The following POLA1 variants were observed in gnomAD, a reference collection of about 807,000 sequenced individuals.
POLA1 encodes DNA polymerase alpha 1, catalytic subunit.
A neutral mutation model predicts 124.0 loss-of-function variants in POLA1; 15 were observed. The ratio of observed to expected loss-of-function variants is 0.12; its 90% CI spans 0.08 to 0.19. The LOEUF (loss-of-function observed/expected upper bound fraction) is 0.19. Among genes scored for constraint, POLA1 ranks in the 10% least tolerant of loss-of-function variants. The pLI is 1.00. For missense variants in POLA1, 886 were observed against 1,103.4 expected, an observed-to-expected ratio of 0.80 and a Z score of 2.79; for synonymous variants, 408 against 389.4, an observed-to-expected ratio of 1.05 and a Z score of -0.56.
intron 24 of POLA1, among the ~76,000 whole-genome samples, chrX:24,745,961 C>A (rs1002672351): frequency 9.0e-6 from 1 of 111,410 alleles, no homozygotes; most frequent in Non-Finnish European, 1.9e-5. Context: ...GTACTTTATT[C>A]GTTTGTGTTG....
chrX:24,959,916 A>C (rs1242355402), intron 36 of POLA1, among the ~76,000 whole-genome samples: 5 of 111,774 alleles, frequency 4.5e-5, no homozygotes, highest in African/African-American at 1.6e-4. Flanking sequence ...GTGTCTAAGC[A>C]GTCATCCCCC....
At chrX:24,721,922 G>A (rs922192390) in intron 10 of POLA1, among the ~76,000 whole-genome samples, 1 of 110,942 alleles carries the variant, frequency 9.0e-6, no homozygotes, top group Non-Finnish European at 1.9e-5. Flanking sequence ...AATTTTCTGA[G>A]TTACTGTGAT....
intron 29 of POLA1, 95 bp downstream of exon 29, chrX:24,812,958 G>A: frequency 2.3e-6 from 1 of 436,325 alleles, no homozygotes; most frequent in East Asian, 3.8e-5. Flanking sequence ...TCAAGCCCAA[G>A]AACACTTCTT....
intron 36 of POLA1, among the ~76,000 whole-genome samples, chrX:24,952,141 A>C (rs924469269): frequency 8.9e-6 from 1 of 112,184 alleles, no homozygotes; most frequent in Non-Finnish European, 1.9e-5. Context: ...GCAACTTCAC[A>C]TGGGGTCCAC....
intron 16 of POLA1, among the ~76,000 whole-genome samples, chrX:24,733,299 C>G (rs1012936591): frequency 8.9e-6 from 1 of 112,185 alleles, no homozygotes; most frequent in Non-Finnish European, 1.9e-5. Flanking sequence ...GAGTTCATTT[C>G]AACACGCATT....
chrX:24,733,652 G>A, intron 16 of POLA1, 103 bp from the exon 17 acceptor site: 1 of 419,095 alleles, frequency 2.4e-6, no homozygotes, highest in Non-Finnish European at 4.2e-6. Flanking sequence ...AGGGTTGGGG[G>A]GAATATATTT....
At chrX:24,758,122 A>C (rs1404305200) in intron 26 of POLA1, among the ~76,000 whole-genome samples, 1 of 111,806 alleles carries the variant, frequency 8.9e-6, no homozygotes, top group Non-Finnish European at 1.9e-5. Context: ...ATTATAACTT[A>C]GACTTTCAGT....
intron 36 of POLA1, among the ~76,000 whole-genome samples, chrX:24,935,655 C>T (rs1319077128): frequency 8.9e-6 from 1 of 112,217 alleles, no homozygotes; most frequent in Non-Finnish European, 1.9e-5. Context: ...TTTCCTTAAA[C>T]TTTTCAGTCT....
intron 34 of POLA1, among the ~76,000 whole-genome samples, chrX:24,867,040 T>C (rs2046803808): frequency 9.0e-6 from 1 of 111,719 alleles, no homozygotes; most frequent in African/African-American, 3.2e-5. Context: ...ATCACTTTTA[T>C]ATTTTTATAT....
At chrX:24,750,148 T>C (rs1028117686) in intron 26 of POLA1, among the ~76,000 whole-genome samples, 3 of 112,438 alleles carry the variant, frequency 2.7e-5, no homozygotes, top group African/African-American at 9.7e-5. Flanking sequence ...TGCTTTTGTA[T>C]TACGAGAGCA....
intron 36 of POLA1, among the ~76,000 whole-genome samples, chrX:24,955,401 A>G (rs1468990950): frequency 9.2e-6 from 1 of 109,053 alleles, no homozygotes; most frequent in Non-Finnish European, 1.9e-5. Flanking sequence ...GCTGACCTCA[A>G]ACTCCTGGGC....
rs760850042 is a variant in POLA1 at position 24,788,625 on chromosome X, A to G, written c.2965-21273A>G. 3.6e-5 allele frequency: 43 copies of G among 1,191,253 alleles called. No homozygotes were observed. In the Middle Eastern group the frequency reaches 1.2e-3, roughly 34 times the overall value. On this transcript the variant is annotated intron_variant, in intron 26 of 36. Transcript: ENST00000379068. ...TTCGCCATATCTGTCTCATCATCCC[A>G]AGGTTTCACATCTAGTAAGATGGAA...
chrX:24,720,547 G>C (rs1324331958), intron 10 of POLA1, among the ~76,000 whole-genome samples: 1 of 111,997 alleles, frequency 8.9e-6, no homozygotes, highest in Non-Finnish European at 1.9e-5. Context: ...ATGCCTTGTA[G>C]CTTTGTGGGG....
At chrX:24,991,931 T>A (rs2147304060) in intron 36 of POLA1, among the ~76,000 whole-genome samples, 1 of 112,506 alleles carries the variant, frequency 8.9e-6, no homozygotes, top group Non-Finnish European at 1.9e-5. Flanking sequence ...GACACATTGA[T>A]CACTGTGTGT....
chrX:24,789,412 C>T (rs2045448789), intron 26 of POLA1, among the ~76,000 whole-genome samples: 1 of 110,929 alleles, frequency 9.0e-6, no homozygotes, highest in Admixed American at 9.5e-5. Flanking sequence ...TTGGCAATAG[C>T]ATAAAAAAGA....
At chrX:24,899,826 G>A (rs190329058) in intron 35 of POLA1, among the ~76,000 whole-genome samples, 2 of 111,705 alleles carry the variant, frequency 1.8e-5, no homozygotes, top group Non-Finnish European at 3.8e-5. Flanking sequence ...CTGTTGGCAC[G>A]AGACCTTTCC....
intron 34 of POLA1, among the ~76,000 whole-genome samples, chrX:24,881,207 A>T (rs2046997322): frequency 8.9e-6 from 1 of 112,227 alleles, no homozygotes; most frequent in Admixed American, 9.5e-5. Flanking sequence ...CTTACTGTTT[A>T]TCCATTATTT....
chrX:24,738,420 G>C (rs1355695407), intron 19 of POLA1, among the ~76,000 whole-genome samples: 1 of 110,946 alleles, frequency 9.0e-6, no homozygotes, highest in East Asian at 2.8e-4. Flanking sequence ...AGAATGAATG[G>C]AAGGGAGTTG....
At chrX:24,733,382 G>A (rs1022992509) in intron 16 of POLA1, among the ~76,000 whole-genome samples, 1 of 112,386 alleles carries the variant, frequency 8.9e-6, no homozygotes, top group Admixed American at 9.4e-5. Context: ...GTGTGTAATA[G>A]GGGAAGCTTT....
Sources: allele counts gnomAD v4.1 joint callset (sites outside exome capture counted in the v4.1 genomes callset), GRCh38; gene constraint gnomAD v4.1.1; transcripts MANE v1.5; gene names NCBI Gene and HGNC (gene_info 2026-07-23, HGNC 2026-07-21).